Variants in GRAMD2B observed in about 807,000 individuals in gnomAD.
GRAMD2B encodes GRAM domain containing 2B.
Under a neutral mutation model 59.2 loss-of-function variants are expected in GRAMD2B, and 41 were observed. That is an observed-to-expected ratio of 0.69 (90% confidence interval 0.54 to 0.90). The LOEUF (loss-of-function observed/expected upper bound fraction) is 0.90. GRAMD2B is among the 40% of genes least tolerant of loss of function. GRAMD2B has a pLI of 0.00. For synonymous variants in GRAMD2B, 161 were observed against 182.7 expected, an observed-to-expected ratio of 0.88 and a Z score of 0.96; for missense variants, 424 against 500.5, an observed-to-expected ratio of 0.85 and a Z score of 1.46.
chr5:126,373,012 A>G (rs1754896126), intron 1 of GRAMD2B, among the ~76,000 whole-genome samples: 1 of 152,220 alleles, frequency 6.6e-6, no homozygotes, highest in African/African-American at 2.4e-5. Context: ...TAAATAGAAT[A>G]AAAGTAAAAT....
At chr5:126,472,472 C>T (rs941006985) in intron 4 of GRAMD2B, among the ~76,000 whole-genome samples, 168 bp downstream of exon 4, 1 of 152,106 alleles carries the variant, frequency 6.6e-6, no homozygotes, top group Admixed American at 6.5e-5. Context: ...CACCAGGCAG[C>T]GTGAAAAGAT....
At chr5:126,412,773 G>A (rs1361782967) in intron 1 of GRAMD2B, among the ~76,000 whole-genome samples, 1 of 151,882 alleles carries the variant, frequency 6.6e-6, no homozygotes, top group African/African-American at 2.4e-5. Flanking sequence ...TTTTATTACT[G>A]ATTTCAATTT....
chr5:126,373,064 G>T (rs1038314765), intron 1 of GRAMD2B, among the ~76,000 whole-genome samples: 1 of 152,022 alleles, frequency 6.6e-6, no homozygotes, highest in Non-Finnish European at 1.5e-5. Context: ...TGCAAAAAAA[G>T]CTCCAGCCTA....
intron 1 of GRAMD2B, among the ~76,000 whole-genome samples, chr5:126,440,798 T>TTCA: frequency 6.6e-6 from 1 of 152,220 alleles, no homozygotes; most frequent in Admixed American, 6.5e-5. Context: ...ACCATCGTTC[T>TTCA]GTATTAGATT....
intron 1 of GRAMD2B, among the ~76,000 whole-genome samples, chr5:126,438,960 A>G (rs1306875618): frequency 1.3e-5 from 2 of 152,226 alleles, no homozygotes. Flanking sequence ...ATAGGAGATT[A>G]CAGGCAGATA....
At chr5:126,483,761 G>A in intron 9 of GRAMD2B, 187 bp downstream of exon 9, 1 of 538,958 alleles carries the variant, frequency 1.9e-6, no homozygotes, top group Non-Finnish European at 3.3e-6. Context: ...TTGCCTATGT[G>A]GTAAAAATTC....
chr5:126,449,844 A>C (rs1015182394), intron 1 of GRAMD2B, among the ~76,000 whole-genome samples: 4 of 152,186 alleles, frequency 2.6e-5, no homozygotes, highest in African/African-American at 9.7e-5. Context: ...TGTGTGTCAC[A>C]TCCTGTGAAC....
chr5:126,447,588 C>T (rs1424975446), intron 1 of GRAMD2B, among the ~76,000 whole-genome samples: 1 of 150,686 alleles, frequency 6.6e-6, no homozygotes, highest in Non-Finnish European at 1.5e-5. Flanking sequence ...GGCGTGAACC[C>T]GGGAGGCGGA....
At chr5:126,411,735 A>C (rs1758807155) in intron 1 of GRAMD2B, among the ~76,000 whole-genome samples, 4 of 151,908 alleles carry the variant, frequency 2.6e-5, no homozygotes, top group Admixed American at 6.6e-5. Flanking sequence ...CAATCCATGA[A>C]CATGGAGTGT....
intron 1 of GRAMD2B, among the ~76,000 whole-genome samples, chr5:126,411,227 C>T (rs902958185): frequency 2.0e-5 from 3 of 151,968 alleles, no homozygotes; most frequent in African/African-American, 4.8e-5. Flanking sequence ...AGGATTCTTA[C>T]AGTCTGAGGT....
intron 1 of GRAMD2B, among the ~76,000 whole-genome samples, chr5:126,461,693 G>A (rs1581140017): frequency 6.6e-6 from 1 of 152,270 alleles, no homozygotes; most frequent in African/African-American, 2.4e-5. Flanking sequence ...CCAGCTACAC[G>A]GGAGGCTGAG....
intron 1 of GRAMD2B, among the ~76,000 whole-genome samples, chr5:126,418,187 C>T (rs1225032526): frequency 6.6e-6 from 1 of 152,150 alleles, no homozygotes; most frequent in Admixed American, 6.5e-5. Flanking sequence ...CTACAGAACC[C>T]AGCATGAAAA....
At chr5:126,483,659 A>AAAAG (rs1243224357) in intron 9 of GRAMD2B, 85 bp downstream of exon 9, 1 of 703,870 alleles carries the variant, frequency 1.4e-6, no homozygotes, top group African/African-American at 1.8e-5. Context: ...AAAAGAAAAG[A>AAAAG]AAAGAAAGAA....
chr5:126,386,005 G>A (rs1235882975), intron 1 of GRAMD2B, among the ~76,000 whole-genome samples: 2 of 152,158 alleles, frequency 1.3e-5, no homozygotes, highest in Admixed American at 1.3e-4. Flanking sequence ...TGGAGGAAAT[G>A]AGGTAAAGCC....
chr5:126,394,517 G>A (rs1278581027), intron 1 of GRAMD2B, among the ~76,000 whole-genome samples: 4 of 152,214 alleles, frequency 2.6e-5, no homozygotes, highest in Non-Finnish European at 5.9e-5. Flanking sequence ...TGAGCTGCCT[G>A]TAGCTGGAAG....
At chr5:126,402,284 C>T (rs1385451896) in intron 1 of GRAMD2B, among the ~76,000 whole-genome samples, 1 of 152,060 alleles carries the variant, frequency 6.6e-6, no homozygotes, top group East Asian at 1.9e-4. Flanking sequence ...AATTTTCTCT[C>T]CAAGTGTACC....
chr5:126,466,412 T>A, intron 2 of GRAMD2B: 1 of 722,354 alleles, frequency 1.4e-6, no homozygotes, highest in Non-Finnish European at 2.5e-6. Flanking sequence ...TCCTGCATGC[T>A]GTTTTGTGGC....
chr5:126,466,367 C>G, intron 2 of GRAMD2B: 1 of 897,576 alleles, frequency 1.1e-6, no homozygotes. Flanking sequence ...AAATTTTCCT[C>G]TTCTGACTCT....
chr5:126,409,257 C>T (rs893276553), intron 1 of GRAMD2B, among the ~76,000 whole-genome samples: 7 of 152,240 alleles, frequency 4.6e-5, no homozygotes, highest in Non-Finnish European at 8.8e-5. Flanking sequence ...CTTGAGGAAT[C>T]GCCACACTGA....
Sources: gnomAD v4.1 joint callset for allele counts (sites outside exome capture counted in the v4.1 genomes callset) on GRCh38, gnomAD v4.1.1 for gene constraint, MANE v1.5 for transcripts, NCBI Gene and HGNC (gene_info 2026-07-23, HGNC 2026-07-21) for gene names.